SORCS1: variants seen among roughly 807,000 people sequenced by gnomAD.
The protein encoded by SORCS1 is VPS10 domain-containing receptor SorCS1.
Under a neutral mutation model 146.1 loss-of-function variants are expected in SORCS1, and 60 were observed. The ratio of observed to expected loss-of-function variants is 0.41; its 90% CI spans 0.33 to 0.51. The LOEUF (loss-of-function observed/expected upper bound fraction) is 0.51, where lower values mean the gene tolerates loss of function less well. SORCS1 is among the 20% of genes least tolerant of loss of function. SORCS1 has a pLI of 0.21. For synonymous variants in SORCS1, 637 were observed against 584.0 expected (o/e 1.09, Z -1.31); for missense variants, 1,352 against 1,487.6 (o/e 0.91, Z 1.50).
chr10:106,817,050 C>A (rs1036566728), intron 3 of SORCS1, among the ~76,000 whole-genome samples: 1 of 152,104 alleles, frequency 6.6e-6, no homozygotes, highest in African/African-American at 2.4e-5. Flanking sequence ...TAAATCAGTT[C>A]GTTAAATAAT....
chr10:106,809,373 G>C (rs1235242109), intron 3 of SORCS1, among the ~76,000 whole-genome samples: 1 of 152,146 alleles, frequency 6.6e-6, no homozygotes, highest in African/African-American at 2.4e-5. Flanking sequence ...TCTGCTGCCA[G>C]GCTGCCCTTT....
At chr10:107,143,653 G>A (rs183114129) in intron 1 of SORCS1, among the ~76,000 whole-genome samples, 225 of 152,152 alleles carry the variant, frequency 1.5e-3, no homozygotes, top group African/African-American at 5.1e-3. Flanking sequence ...ACAGGCACGC[G>A]CCACCACACC....
chr10:106,648,189 A>G (rs1849594958), intron 18 of SORCS1, among the ~76,000 whole-genome samples: 1 of 146,924 alleles, frequency 6.8e-6, no homozygotes, highest in Non-Finnish European at 1.5e-5. Flanking sequence ...ATTTGTCTCA[A>G]CTGTATTATA....
At chr10:106,684,377 A>G (rs1852664825) in intron 10 of SORCS1, among the ~76,000 whole-genome samples, 1 of 152,142 alleles carries the variant, frequency 6.6e-6, no homozygotes, top group Non-Finnish European at 1.5e-5. Flanking sequence ...AGATGAATCC[A>G]CAAAGTCAGC....
At chr10:107,154,744 C>A (rs1175775189) in intron 1 of SORCS1, among the ~76,000 whole-genome samples, 1 of 152,170 alleles carries the variant, frequency 6.6e-6, no homozygotes, top group African/African-American at 2.4e-5. Flanking sequence ...ATAGGCCATA[C>A]TGGAGCACTA....
At chr10:106,865,249 G>T (rs568489307) in intron 2 of SORCS1, among the ~76,000 whole-genome samples, 1 of 151,874 alleles carries the variant, frequency 6.6e-6, no homozygotes, top group African/African-American at 2.4e-5. Flanking sequence ...CCTCCTACAG[G>T]TGCATTTGAG....
chr10:106,960,551 C>CACCT lies in SORCS1; in HGVS notation c.559-3972_559-3971insAGGT, dbSNP rs1192189104. On this transcript the variant is annotated intron_variant, in intron 1 of 25. Transcript: ENST00000263054. This position sits in a 1 kb window ranked among gnomAD's most constrained non-coding sequence, Gnocchi z 4.4. ...TCCCGAGTAGCTGAGACTACAGGTG[C>CACCT]GCCACCACACCCAGCTAATTTTTGT... Among the ~76,000 whole-genome samples the CACCT allele has an allele frequency of 8.6e-5, 13 of 151,896 alleles. No individual in the cohort carries two copies. The highest frequency in any genetic ancestry group is 3.3e-4 in the Admixed American group (5 of 15,232).
chr10:106,577,196 T>G lies in SORCS1; in HGVS notation c.*224A>C, dbSNP rs757854952. 52 of 1,519,060 alleles carry G rather than the reference T, an allele frequency of 3.4e-5. 1 individual carries two copies. The South Asian group carries it at 5.9e-4, about 17-fold the overall frequency. 94.1% of individuals were successfully genotyped at this position (1,519,060 alleles called of 1,614,324 possible). ...TTTATGTTTTGTTTTGTTTTTGTTT[T>G]TGTTTTTTTACTGGCGTCCTCCATT... On this transcript the variant is annotated 3_prime_UTR_variant, in exon 26 of 26. Transcript: ENST00000263054.
At chr10:107,056,182 A>G (rs1186072625) in intron 1 of SORCS1, among the ~76,000 whole-genome samples, 1 of 152,224 alleles carries the variant, frequency 6.6e-6, no homozygotes, top group Non-Finnish European at 1.5e-5. Context: ...GTGCTCAGGA[A>G]TGAGAAAGGA....
intron 3 of SORCS1, among the ~76,000 whole-genome samples, chr10:106,804,421 G>T (rs1334040496): frequency 6.6e-6 from 1 of 151,296 alleles, no homozygotes; most frequent in Non-Finnish European, 1.5e-5. Context: ...TAACAATTTA[G>T]TTGTAAGAAT....
chr10:106,635,616 G>C (rs1848684135), intron 18 of SORCS1, among the ~76,000 whole-genome samples: 1 of 151,992 alleles, frequency 6.6e-6, no homozygotes, highest in African/African-American at 2.4e-5. Flanking sequence ...ATTTAAAAGG[G>C]GGTAGAGTAC....
intron 1 of SORCS1, among the ~76,000 whole-genome samples, chr10:107,117,327 C>A (rs371802942): frequency 6.6e-6 from 1 of 152,176 alleles, no homozygotes; most frequent in African/African-American, 2.4e-5. Flanking sequence ...TATCTGAGAA[C>A]AGACATTATT....
chr10:106,679,540 T>G, intron 11 of SORCS1, 92 bp downstream of exon 11: 2 of 1,186,990 alleles, frequency 1.7e-6, no homozygotes, highest in Non-Finnish European at 1.2e-6. Context: ...TACAGATATC[T>G]AGCTTCTTAA....
chr10:106,712,834 C>T (rs965953739), intron 6 of SORCS1, among the ~76,000 whole-genome samples: 2 of 152,166 alleles, frequency 1.3e-5, no homozygotes, highest in African/African-American at 4.8e-5. Flanking sequence ...CCATTGTTCT[C>T]TGGCTTTTTG....
At chr10:106,813,135 T>TC (rs1199002859) in intron 3 of SORCS1, among the ~76,000 whole-genome samples, 2 of 142,122 alleles carry the variant, frequency 1.4e-5, no homozygotes, top group Non-Finnish European at 3.1e-5. Context: ...TTTCTTTTTT[T>TC]TTTTTTTTTT....
intron 5 of SORCS1, among the ~76,000 whole-genome samples, chr10:106,743,131 A>G (rs906992577): frequency 7.9e-5 from 12 of 152,122 alleles, no homozygotes; most frequent in Admixed American, 7.2e-4. Flanking sequence ...GGTTTTGAAA[A>G]TATCTCAATG....
intron 10 of SORCS1, among the ~76,000 whole-genome samples, chr10:106,680,915 T>A (rs1000003405): frequency 2.6e-5 from 4 of 152,150 alleles, no homozygotes; most frequent in Admixed American, 6.5e-5. Context: ...AACTCAGGAA[T>A]AAAAACAGCC....
chr10:106,878,646 A>ATATATATATATATATATATATATATATAT (rs1200849744), intron 2 of SORCS1, among the ~76,000 whole-genome samples: 4 of 117,886 alleles, frequency 3.4e-5, no homozygotes, highest in Non-Finnish European at 7.5e-5. Context: ...ATATATATAT[A>ATATATATATATATATATATATATATATAT]TATTTTATAG....
chr10:106,750,917 G>A (rs1365986242), intron 5 of SORCS1, among the ~76,000 whole-genome samples: 2 of 148,820 alleles, frequency 1.3e-5, no homozygotes, highest in South Asian at 2.1e-4. Context: ...AAAATCAGCT[G>A]GGCGTGGTGG....
Sources: gnomAD v4.1 joint callset for allele counts (sites outside exome capture counted in the v4.1 genomes callset) on GRCh38, gnomAD v4.1.1 for gene constraint, Gnocchi (gnomAD v3.1) non-coding constraint, MANE v1.5 for transcripts, NCBI Gene and HGNC (gene_info 2026-07-23, HGNC 2026-07-21) for gene names.